ACVR1: variants seen among roughly 807,000 people sequenced by gnomAD.
ACVR1 encodes activin receptor type-1.
Under a neutral mutation model 57.1 loss-of-function variants are expected in ACVR1, and 38 were observed. The ratio of observed to expected loss-of-function variants is 0.67; its 90% CI spans 0.51 to 0.87. The LOEUF (loss-of-function observed/expected upper bound fraction) is 0.87, where lower values mean the gene tolerates loss of function less well. ACVR1 is among the 40% of genes least tolerant of loss of function. The pLI is 0.00. For missense variants in ACVR1, 463 were observed against 638.2 expected (o/e 0.73, Z 2.96); for synonymous variants, 212 against 228.1 (o/e 0.93, Z 0.63).
intron 6 of ACVR1, among the ~76,000 whole-genome samples, chr2:157,772,355 A>G (rs1024780881): frequency 2.6e-5 from 4 of 152,190 alleles, no homozygotes; most frequent in African/African-American, 9.7e-5. Flanking sequence ...TTTTTGAACC[A>G]AAAATAACAT....
At chr2:157,875,578 C>A (rs2065758799) in intron 1 of ACVR1, 1 of 149,118 alleles carries the variant, frequency 6.7e-6, no homozygotes, top group Admixed American at 6.7e-5. Flanking sequence ...CCCCCCATAT[C>A]CCACCAGCAG....
chr2:157,812,376 C>T (rs886468913), intron 2 of ACVR1, among the ~76,000 whole-genome samples: 1 of 151,872 alleles, frequency 6.6e-6, no homozygotes, highest in African/African-American at 2.4e-5. Context: ...AGAGATAATA[C>T]GAGACCAATC....
intron 1 of ACVR1, among the ~76,000 whole-genome samples, chr2:157,873,217 GAGTTCTGA>G (rs1259251807): frequency 6.6e-6 from 1 of 152,218 alleles, no homozygotes; most frequent in Non-Finnish European, 1.5e-5. Context: ...CCAAGAACAT[GAGTTCTGA>G]AGTCCTGCAG....
At chr2:157,787,231 A>G (rs1686745877) in intron 3 of ACVR1, among the ~76,000 whole-genome samples, 1 of 152,184 alleles carries the variant, frequency 6.6e-6, no homozygotes, top group African/African-American at 2.4e-5. Flanking sequence ...TGTCTTTTCC[A>G]TGCCTTTTAT....
intron 1 of ACVR1, among the ~76,000 whole-genome samples, chr2:157,871,397 T>C (rs1362701301): frequency 6.6e-6 from 1 of 152,198 alleles, no homozygotes; most frequent in African/African-American, 2.4e-5. Context: ...GGCCTCAAGA[T>C]GAATGAGAAC....
At chr2:157,786,091 T>A (rs1686701299) in intron 3 of ACVR1, among the ~76,000 whole-genome samples, 2 of 152,170 alleles carry the variant, frequency 1.3e-5, no homozygotes, top group Admixed American at 6.5e-5. Flanking sequence ...AGTCAACACC[T>A]CTCCACCTAG....
chr2:157,751,725 C>A (rs752281186), intron 9 of ACVR1, among the ~76,000 whole-genome samples: 1 of 152,168 alleles, frequency 6.6e-6, no homozygotes, highest in Non-Finnish European at 1.5e-5. Context: ...ACAGCAGAGG[C>A]AGCCATAATG....
intron 9 of ACVR1, among the ~76,000 whole-genome samples, chr2:157,742,995 G>T (rs937329091): frequency 6.6e-6 from 1 of 151,934 alleles, no homozygotes; most frequent in Non-Finnish European, 1.5e-5. Context: ...GCCGTCCATG[G>T]GAGCCCACTC....
rs188547477 is a variant in ACVR1 at position 157,778,196 on chromosome 2, G to C, written c.478C>G (p.Arg160Gly). 6.8e-6 allele frequency: 11 copies of C among 1,613,968 alleles called. No homozygotes were observed. The Admixed American group carries it at 1.0e-4, about 15-fold the overall frequency. ...TCGATAGTGCCATACTCCACGTCTC[G>C]GGGATTGAGGCGTTCTTGGTTGCGC... ...KRRNQERLNP[R>G]DVEYGTIEGL... The change falls in exon 5 of 11, where the codon CGA becomes GGA. Residue 160 changes from arginine to glycine, a missense_variant. Arg to Gly is a moderately radical substitution (Grantham distance 125, BLOSUM62 -2). Coordinates refer to ENST00000434821, the MANE Select transcript of ACVR1 (RefSeq NM_001111067.4).
chr2:157,803,878 TCATAA>T (rs1360704706), intron 2 of ACVR1, among the ~76,000 whole-genome samples: 1 of 151,998 alleles, frequency 6.6e-6, no homozygotes, highest in African/African-American at 2.4e-5. Flanking sequence ...AATATTATAT[TCATAA>T]TAAAATAACA....
At chr2:157,819,797 C>T (rs1574106771) in intron 1 of ACVR1, among the ~76,000 whole-genome samples, 1 of 152,124 alleles carries the variant, frequency 6.6e-6, no homozygotes, top group Non-Finnish European at 1.5e-5. Context: ...CCCCATTTTC[C>T]TTTAGGAAGA....
chr2:157,746,509 G>C (rs1684970537), intron 9 of ACVR1, among the ~76,000 whole-genome samples: 1 of 152,216 alleles, frequency 6.6e-6, no homozygotes, highest in Non-Finnish European at 1.5e-5. Flanking sequence ...GAGAACCACA[G>C]CAAGGAAGAC....
intron 6 of ACVR1, 115 bp from the exon 7 acceptor site, chr2:157,770,629 T>C: frequency 1.9e-6 from 2 of 1,068,480 alleles, no homozygotes; most frequent in Non-Finnish European, 2.9e-6. Flanking sequence ...CATTGCTTAC[T>C]GGAGAAACTC....
chr2:157,749,702 G>A lies in ACVR1; in HGVS notation c.1265-11132C>T, dbSNP rs79310165. Among the ~76,000 whole-genome samples the A allele has an allele frequency of 4.7e-3, 710 of 152,294 alleles. 15 individuals carry two copies. The highest frequency in any genetic ancestry group is 0.017 in the East Asian group (87 of 5,180). On this transcript the variant is annotated intron_variant, in intron 9 of 10. Transcript: ENST00000434821. The stretch of plus-strand genomic sequence containing the variant: ...TACTATCCCTGGTGTCTACAGGCAC[G>A]ATCAGGGGGCTCTGAAAACAGGCCT...
intron 1 of ACVR1, among the ~76,000 whole-genome samples, chr2:157,842,739 C>T (rs916003128): frequency 1.3e-5 from 2 of 152,166 alleles, no homozygotes; most frequent in Non-Finnish European, 2.9e-5. Flanking sequence ...GTTCCTGCTT[C>T]CCCCACCCCC....
chr2:157,779,809 G>A (rs1686434624), intron 4 of ACVR1, among the ~76,000 whole-genome samples: 2 of 152,126 alleles, frequency 1.3e-5, no homozygotes, highest in Admixed American at 1.3e-4. Flanking sequence ...GGGTTTGTGC[G>A]AAATCTCATC....
At chr2:157,821,352 CCT>C (rs1469607007) in intron 1 of ACVR1, among the ~76,000 whole-genome samples, 2 of 151,944 alleles carry the variant, frequency 1.3e-5, no homozygotes, top group Non-Finnish European at 2.9e-5. Context: ...ATGGTGAAAC[CCT>C]GTCTCTACCA....
chr2:157,774,182 T>C lies in ACVR1; in HGVS notation c.549A>G (p.Leu183=). Reference sequence around the variant, plus strand: ...TTCCTGATGTACACGAATGATCCAATAAATCCTGTGGTTTAAGACAAGGGG... The same window carrying C: ...TTCCTGATGTACACGAATGATCCAACAAATCCTGTGGTTTAAGACAAGGGG... ...TNVGDSTLAD[L]LDHSCTSGSG... is the part of the protein sequence containing the mutation. Residue 183 remains leucine, a synonymous_variant, in exon 6 of 11, where the codon TTA becomes TTG. Transcript: ENST00000434821. 2 of 1,613,834 alleles carry C rather than the reference T, an allele frequency of 1.2e-6. No individual in the cohort carries two copies. Among genetic ancestry groups the C allele is most frequent in the Admixed American group, 1.7e-5 (1 of 60,020 alleles).
chr2:157,773,949 C>T, intron 6 of ACVR1, 139 bp downstream of exon 6: 2 of 711,928 alleles, frequency 2.8e-6, no homozygotes, highest in East Asian at 2.7e-5. Flanking sequence ...ATTAGTCATA[C>T]AGAATAGAGA....
Sources: allele counts gnomAD v4.1 joint callset (sites outside exome capture counted in the v4.1 genomes callset), GRCh38; gene constraint gnomAD v4.1.1; transcripts MANE v1.5; gene names NCBI Gene and HGNC (gene_info 2026-07-23, HGNC 2026-07-21).